The following LMX1B variants were observed in gnomAD, a reference collection of about 807,000 sequenced individuals.
LMX1B encodes the protein LIM homeobox transcription factor 1 beta.
LMX1B carries 12 observed loss-of-function variants against 51.4 expected under a neutral mutation model. The ratio of observed to expected loss-of-function variants is 0.23; its 90% confidence interval spans 0.15 to 0.38. LMX1B has a LOEUF of 0.38. LMX1B is among the 10% of genes least tolerant of loss of function. LMX1B has a pLI of 1.00. For missense variants in LMX1B, 445 were observed against 571.1 expected, an observed-to-expected ratio of 0.78 and a Z score of 2.25; for synonymous variants, 237 against 235.4, an observed-to-expected ratio of 1.01 and a Z score of -0.06.
At chr9:126,650,746 T>C (rs1057067481) in intron 2 of LMX1B, among the ~76,000 whole-genome samples, 2 of 152,172 alleles carry the variant, frequency 1.3e-5, no homozygotes, top group Non-Finnish European at 2.9e-5. Flanking sequence ...CTGGAAGTTG[T>C]TGGCTGCAGC....
chr9:126,651,403 G>A (rs1048423363), intron 2 of LMX1B, among the ~76,000 whole-genome samples: 1 of 151,926 alleles, frequency 6.6e-6, no homozygotes, highest in Non-Finnish European at 1.5e-5. Flanking sequence ...GGTGCAAGGG[G>A]TGGGGCACAG....
intron 2 of LMX1B, among the ~76,000 whole-genome samples, chr9:126,654,368 C>T (rs1836074065): frequency 6.6e-6 from 1 of 152,248 alleles, no homozygotes; most frequent in African/African-American, 2.4e-5. Context: ...ACTCAGCAGC[C>T]TTCCCCAGAG....
intron 2 of LMX1B, among the ~76,000 whole-genome samples, chr9:126,642,239 G>A (rs1588275226): frequency 6.6e-6 from 1 of 152,296 alleles, no homozygotes; most frequent in East Asian, 1.9e-4. Flanking sequence ...AGCTGGCTGA[G>A]CGGACCTGTG....
At chr9:126,645,579 G>A (rs1221797340) in intron 2 of LMX1B, among the ~76,000 whole-genome samples, 1 of 152,208 alleles carries the variant, frequency 6.6e-6, no homozygotes, top group Non-Finnish European at 1.5e-5. Flanking sequence ...GCCTGCTGGG[G>A]GAAGATCCTC....
rs556777083 is a variant in LMX1B, at chr9:126,697,665, C to T, written c.*1214C>T. On this transcript the variant is annotated 3_prime_UTR_variant, in exon 8 of 8. Transcript: ENST00000373474. ...CGGCCAGAAGTGAGCAGGCACATCACCTCTCCTGCTGTGGCACCCTTCCTC... is the reference window on the plus strand; with the variant it reads ...CGGCCAGAAGTGAGCAGGCACATCATCTCTCCTGCTGTGGCACCCTTCCTC... 38 of 152,488 alleles carry T rather than the reference C, an allele frequency of 2.5e-4. No homozygotes were observed. The highest frequency in any genetic ancestry group is 9.1e-4 in the African/African-American group (38 of 41,568). The allele number at this position is 152,488 out of a possible 1,614,324, so 9.4% of individuals were successfully genotyped here. A position where few individuals can be genotyped will look rare whatever the true frequency, so the allele number is the denominator to read the frequency against.
chr9:126,684,369 G>C lies in LMX1B; in HGVS notation c.327-6467G>C, dbSNP rs147720587. ...AGAGAAAGTTCCAGAGACAGACTGG[G>C]GAGGAGAAGAGAGCACACACCTATT... On this transcript the variant is annotated intron_variant, in intron 2 of 7. Coordinates refer to ENST00000373474, the MANE Select transcript of LMX1B (RefSeq NM_001174147.2). Among the ~76,000 whole-genome samples, 540 of 152,292 alleles carry C rather than the reference G, an allele frequency of 3.5e-3. 3 individuals are homozygous for C. The highest frequency in any genetic ancestry group is 0.012 in the African/African-American group (516 of 41,548).
At chr9:126,690,787 G>A in intron 2 of LMX1B, 49 bp from the exon 3 acceptor site, 1 of 1,519,448 alleles carries the variant, frequency 6.6e-7, no homozygotes, top group Non-Finnish European at 8.9e-7. Flanking sequence ...AGTGGCCTCT[G>A]GGAGGGACTT....
At chr9:126,640,963 A>G (rs1835797530) in intron 2 of LMX1B, 1 of 152,276 alleles carries the variant, frequency 6.6e-6, no homozygotes, top group Non-Finnish European at 1.5e-5. Context: ...ATTGTTCTGG[A>G]CTTTCTAAAA....
At position 126,671,364 on chromosome 9, in the gene LMX1B, C is replaced by T. The variant is rs1037864795; in HGVS notation, c.327-19472C>T. ...GCCAGCAGAAGGCCCGCCAGGCCCA[C>T]AGCCCTCCCCTCCCAGCAGCTGGGC... On this transcript the variant is annotated intron_variant, in intron 2 of 7. Coordinates refer to ENST00000373474, the MANE Select transcript of LMX1B (RefSeq NM_001174147.2). This position sits in a 1 kb window ranked among gnomAD's most constrained non-coding sequence, Gnocchi z 4.4. Among the ~76,000 whole-genome samples, 1 of 152,202 alleles carries T rather than the reference C, an allele frequency of 6.6e-6. No homozygotes were observed. Among genetic ancestry groups the T allele is most frequent in the Admixed American group, 6.5e-5 (1 of 15,288 alleles).
chr9:126,624,246 C>A (rs1262113216), intron 2 of LMX1B, among the ~76,000 whole-genome samples: 1 of 152,210 alleles, frequency 6.6e-6, no homozygotes, highest in Non-Finnish European at 1.5e-5. Flanking sequence ...CTCTCTTGGG[C>A]TGGGGTCGGG....
intron 2 of LMX1B, among the ~76,000 whole-genome samples, chr9:126,676,750 G>A (rs1231566240): frequency 1.3e-5 from 2 of 152,168 alleles, no homozygotes; most frequent in Non-Finnish European, 2.9e-5. Context: ...CAGACCTTTC[G>A]GAGTTACCAG....
At chr9:126,693,035 A>C in intron 3 of LMX1B, 107 bp from the exon 4 acceptor site, 13 of 1,222,938 alleles carry the variant, frequency 1.1e-5, no homozygotes, top group Non-Finnish European at 1.5e-5. Flanking sequence ...GGCAGGTGTC[A>C]ACAGAGGGGA....
At chr9:126,638,735 C>G (rs1031776834) in intron 2 of LMX1B, among the ~76,000 whole-genome samples, 1 of 152,160 alleles carries the variant, frequency 6.6e-6, no homozygotes, top group Non-Finnish European at 1.5e-5. Context: ...GAGCGCGCTC[C>G]GATCTCTCCC....
At chr9:126,679,092 T>A (rs1441562085) in intron 2 of LMX1B, among the ~76,000 whole-genome samples, 2 of 152,220 alleles carry the variant, frequency 1.3e-5, no homozygotes, top group Non-Finnish European at 2.9e-5. Context: ...GCTCTCCCAT[T>A]CTACCAGGAG....
Position 126,696,457 on chromosome 9 carries a change from A to AGCCAG in LMX1B, c.*9_*13dup. ...GTTCCTACTTCGCCTCCTGAGAGCC[A>AGCCAG]GCCAGGCGCACGGACGCTTGGGCAG... On this transcript the variant is annotated 3_prime_UTR_variant, in exon 8 of 8. Transcript: ENST00000373474. 6.2e-7 allele frequency: 1 copy of AGCCAG among 1,613,712 alleles called. No homozygotes were observed. Among genetic ancestry groups the AGCCAG allele is most frequent in the Non-Finnish European group, 8.5e-7 (1 of 1,179,872 alleles).
In LMX1B at chr9:126,695,319, C is replaced by T. The variant is rs550989995; in HGVS notation, c.887-520C>T. ...CCCTCTCAGCTGGTCTCCCCCACAC[C>T]GACCTCTCTCCCTGCCTCTTGGCCC... On this transcript the variant is annotated intron_variant, in intron 6 of 7. Transcript: ENST00000373474. This position sits in a 1 kb window ranked among gnomAD's most constrained non-coding sequence, Gnocchi z 5.2. Among the ~76,000 whole-genome samples, 7 of 152,316 alleles carry T rather than the reference C, an allele frequency of 4.6e-5. No homozygotes were observed. The highest frequency in any genetic ancestry group is 2.1e-4 in the South Asian group (1 of 4,822).
intron 2 of LMX1B, among the ~76,000 whole-genome samples, chr9:126,689,472 C>T (rs546019223): frequency 4.7e-4 from 71 of 152,352 alleles, no homozygotes; most frequent in Admixed American, 2.4e-3. Flanking sequence ...AGACATGGCC[C>T]GGGGACGCCG....
At chr9:126,617,032 C>T (rs1366932261) in intron 2 of LMX1B, among the ~76,000 whole-genome samples, 2 of 152,250 alleles carry the variant, frequency 1.3e-5, no homozygotes, top group Non-Finnish European at 2.9e-5. Context: ...AGGCACACTG[C>T]CGTAGGTCGG....
intron 2 of LMX1B, among the ~76,000 whole-genome samples, chr9:126,687,787 A>G (rs568476479): frequency 2.0e-5 from 3 of 152,196 alleles, no homozygotes; most frequent in African/African-American, 4.8e-5. Flanking sequence ...ATGGAACTCA[A>G]GTCCATGTGA....
Sources: allele counts gnomAD v4.1 joint callset (sites outside exome capture counted in the v4.1 genomes callset), GRCh38; gene constraint gnomAD v4.1.1; non-coding constraint Gnocchi (gnomAD v3.1); transcripts MANE v1.5; gene names NCBI Gene and HGNC (gene_info 2026-07-23, HGNC 2026-07-21).